PFKFB3: variants seen among roughly 807,000 people sequenced by gnomAD.
PFKFB3 encodes the protein 6-phosphofructo-2-kinase/fructose-2,6-biphosphatase 3.
A neutral mutation model predicts 68.0 loss-of-function variants in PFKFB3; 33 were observed. The observed-to-expected ratio is 0.49, with a 90% CI of 0.37 to 0.65. The LOEUF (loss-of-function observed/expected upper bound fraction) is 0.65. Among genes scored for constraint, PFKFB3 ranks in the 30% least tolerant of loss-of-function variants. The pLI is 0.00. For missense variants in PFKFB3, 586 were observed against 712.2 expected (o/e 0.82, Z 2.02); for synonymous variants, 315 against 288.2 (o/e 1.09, Z -0.94).
the PFKFB3 span, among the ~76,000 whole-genome samples, chr10:6,314,496 G>A: frequency 2.0e-5 from 3 of 152,160 alleles, no homozygotes; most frequent in Admixed American, 6.5e-5. Context: ...TCCTAATAAC[G>A]TATCATGGCA....
chr10:6,162,242 T>C (rs77503588), intron 1 of PFKFB3, among the ~76,000 whole-genome samples: 1,649 of 152,306 alleles, frequency 0.011, 67 homozygotes, highest in East Asian at 0.099. Context: ...GGCGGAGTAA[T>C]GTTCTGTGTG....
intron 1 of PFKFB3, among the ~76,000 whole-genome samples, chr10:6,192,012 G>C (rs1352286401): frequency 1.2e-5 from 1 of 84,112 alleles, no homozygotes; most frequent in Non-Finnish European, 3.0e-5. Flanking sequence ...TCAATCCCTA[G>C]ATGAGTATTT....
intron 1 of PFKFB3, among the ~76,000 whole-genome samples, chr10:6,157,660 G>A (rs1841850501): frequency 6.6e-6 from 1 of 152,156 alleles, no homozygotes; most frequent in African/African-American, 2.4e-5. Context: ...TATAAATGGG[G>A]TATGACAAAG....
At chr10:6,248,485 T>G (rs1846303382) in intron 14 of PFKFB3, among the ~76,000 whole-genome samples, 1 of 151,718 alleles carries the variant, frequency 6.6e-6, no homozygotes, top group African/African-American at 2.4e-5. Context: ...AAAAATTAGC[T>G]GGGTGTGGTG....
At chr10:6,295,799 C>CCT in the PFKFB3 span, among the ~76,000 whole-genome samples, 1 of 152,130 alleles carries the variant, frequency 6.6e-6, no homozygotes, top group Non-Finnish European at 1.5e-5. Context: ...TTACTTTCCC[C>CCT]CTCCTCTGCT....
the PFKFB3 span, among the ~76,000 whole-genome samples, chr10:6,265,081 C>CTT: frequency 3.8e-3 from 290 of 76,654 alleles, 2 homozygotes; most frequent in African/African-American, 0.012. Flanking sequence ...CTTTTTCTTT[C>CTT]ATTTTTTTTT....
chr10:6,307,510 T>TTTCCTTCCTTCCTTCCTTCC, the PFKFB3 span, among the ~76,000 whole-genome samples: 26 of 116,340 alleles, frequency 2.2e-4, no homozygotes, highest in East Asian at 1.3e-3. Context: ...TCCTTCTCTT[T>TTTCCTTCCTTCCTTCCTTCC]TTCCTTCCTT....
intron 1 of PFKFB3, among the ~76,000 whole-genome samples, chr10:6,178,017 G>A (rs1842582449): frequency 6.6e-6 from 1 of 152,200 alleles, no homozygotes; most frequent in African/African-American, 2.4e-5. Flanking sequence ...TCAAGAGGGT[G>A]GATGCTGGTT....
rs1180593352 is a variant in PFKFB3 at position 6,235,015 on chromosome 10, CG to C, written c.*2078del. The C allele has an allele frequency of 1.8e-5, 1 of 54,988 alleles. No homozygotes were observed. Among genetic ancestry groups the C allele is most frequent in the Non-Finnish European group, 3.6e-5 (1 of 27,568 alleles). The allele number at this position is 54,988 out of a possible 1,614,324, so 3.4% of individuals were successfully genotyped here. ...ACCTGCCTTTTGAGGGGACATTGGA[CG>C]GGGGCCGGGGGCGGGGGTTGGGTTT... On this transcript the variant is annotated 3_prime_UTR_variant, in exon 15 of 15. Transcript: ENST00000379775.
chr10:6,210,910 G>A lies in PFKFB3; in HGVS notation c.77-2713G>A, dbSNP rs113345655. Among the ~76,000 whole-genome samples, 82 of 9,776 alleles carry A rather than the reference G, an allele frequency of 8.4e-3. 24 individuals are homozygous for A. Among genetic ancestry groups the A allele is most frequent in the East Asian group, 0.06 (11 of 182 alleles). The allele number at this position is 9,776 out of a possible 152,430, so 6.4% of individuals were successfully genotyped here. A position where few individuals can be genotyped will look rare whatever the true frequency, so the allele number is the denominator to read the frequency against. ...TGTTTTTAATAGACGGGGTTTCGCCGTGTTAGCCAGGATAGTCTTGATCTC... is the reference window on the plus strand; with the variant it reads ...TGTTTTTAATAGACGGGGTTTCGCCATGTTAGCCAGGATAGTCTTGATCTC... On this transcript the variant is annotated intron_variant, in intron 1 of 14. Coordinates refer to ENST00000379775, the MANE Select transcript of PFKFB3 (RefSeq NM_004566.4).
At chr10:6,253,681 TGG>T (rs1846432254) in intron 14 of PFKFB3, among the ~76,000 whole-genome samples, 1 of 150,140 alleles carries the variant, frequency 6.7e-6, no homozygotes, top group Non-Finnish European at 1.5e-5. Context: ...ATCCTGGTGG[TGG>T]GGGATGAGGG....
chr10:6,221,145 T>C (rs867672297), intron 8 of PFKFB3, among the ~76,000 whole-genome samples: 8 of 152,284 alleles, frequency 5.3e-5, no homozygotes, highest in Middle Eastern at 3.4e-3. Flanking sequence ...CTGGTGTGTG[T>C]ATCTCTGTGC....
At position 6,229,318 on chromosome 10, in the gene PFKFB3, G is replaced by C. The variant is rs566949058; in HGVS notation, c.1515+2953G>C. ...CAGTCCCCCGTTTAATGGTTGAGGGGCTGAGTGACCGGCCCGTGCTTCCAG... is the reference window on the plus strand; with the variant it reads ...CAGTCCCCCGTTTAATGGTTGAGGGCCTGAGTGACCGGCCCGTGCTTCCAG... On this transcript the variant is annotated intron_variant, in intron 14 of 14. Transcript: ENST00000379775. This position sits in a 1 kb window ranked among gnomAD's most constrained non-coding sequence, Gnocchi z 4.3. 30 of 374,224 alleles carry C rather than the reference G, an allele frequency of 8.0e-5. 1 individual carries two copies. The highest frequency in any genetic ancestry group is 5.5e-4 in the African/African-American group (26 of 47,476). 23.2% of individuals were successfully genotyped at this position (374,224 alleles called of 1,614,324 possible).
At chr10:6,246,835 G>C (rs970043462) in intron 14 of PFKFB3, among the ~76,000 whole-genome samples, 1 of 152,100 alleles carries the variant, frequency 6.6e-6, no homozygotes, top group Admixed American at 6.6e-5. Flanking sequence ...AGTGTCTGCT[G>C]TTCCCATCGT....
chr10:6,254,022 C>T (rs973836019), intron 14 of PFKFB3, among the ~76,000 whole-genome samples: 3 of 150,772 alleles, frequency 2.0e-5, no homozygotes, highest in Non-Finnish European at 4.4e-5. Context: ...CCAGCCTGGG[C>T]GACAGTGAGA....
chr10:6,268,697 T>C, the PFKFB3 span, among the ~76,000 whole-genome samples: 1 of 151,238 alleles, frequency 6.6e-6, no homozygotes, highest in Non-Finnish European at 1.5e-5. Context: ...TTTTTTGTAC[T>C]GGATCATACA....
At chr10:6,295,214 AGATTTTAT>A in the PFKFB3 span, among the ~76,000 whole-genome samples, 1 of 151,758 alleles carries the variant, frequency 6.6e-6, no homozygotes, top group Admixed American at 6.6e-5. Context: ...TTAGGCTTGT[AGATTTTAT>A]TTTATTTTAT....
At chr10:6,207,954 T>A in intron 1 of PFKFB3, among the ~76,000 whole-genome samples, 1 of 152,180 alleles carries the variant, frequency 6.6e-6, no homozygotes. Flanking sequence ...AGTCCTAAGA[T>A]GGTGCTTGGG....
At chr10:6,310,147 G>C in the PFKFB3 span, among the ~76,000 whole-genome samples, 1 of 152,044 alleles carries the variant, frequency 6.6e-6, no homozygotes, top group East Asian at 1.9e-4. Context: ...GTTCTTGGCC[G>C]GTGTAGACAG....
Sources: gnomAD v4.1 joint callset for allele counts (sites outside exome capture counted in the v4.1 genomes callset) on GRCh38, gnomAD v4.1.1 for gene constraint, Gnocchi (gnomAD v3.1) non-coding constraint, MANE v1.5 for transcripts, NCBI Gene and HGNC (gene_info 2026-07-23, HGNC 2026-07-21) for gene names.